Variants in ADISSP observed in about 807,000 individuals in gnomAD.
ADISSP encodes the protein adipose secreted signaling protein, also known as adipose-secreted signaling protein.
At chr20:3,760,180 C>T in the ADISSP span, 19 of 1,226,928 alleles carry the variant, frequency 1.5e-5, no homozygotes, top group Middle Eastern at 4.2e-4. Flanking sequence ...GGGACACCAG[C>T]GGGAGCCTGA....
the ADISSP span, among the ~76,000 whole-genome samples, chr20:3,756,762 A>G: frequency 2.6e-5 from 4 of 151,972 alleles, no homozygotes; most frequent in Non-Finnish European, 5.9e-5. Flanking sequence ...GCAGAAAAAT[A>G]CTCTTCGCTG....
chr20:3,760,019 CCCT>C, the ADISSP span: 2 of 1,610,032 alleles, frequency 1.2e-6, no homozygotes, highest in East Asian at 2.2e-5. Context: ...GCAGCAATGG[CCCT>C]CCTACCAGGG....
the ADISSP span, chr20:3,768,114 C>T: frequency 2.0e-5 from 3 of 152,396 alleles, no homozygotes; most frequent in Admixed American, 2.0e-4. Context: ...CCCTTGGGCC[C>T]TTCGCTCTCG....
the ADISSP span, among the ~76,000 whole-genome samples, chr20:3,754,878 G>C: frequency 6.6e-6 from 1 of 152,320 alleles, no homozygotes; most frequent in African/African-American, 2.4e-5. Context: ...GGCAGGGCAG[G>C]GTAGGCTTTG....
the ADISSP span, among the ~76,000 whole-genome samples, chr20:3,757,619 C>A: frequency 6.6e-6 from 1 of 151,846 alleles, no homozygotes; most frequent in Non-Finnish European, 1.5e-5. Flanking sequence ...CAAACCTGGG[C>A]CCCCCAGGTT....
chr20:3,758,237 T>C, the ADISSP span, among the ~76,000 whole-genome samples: 3 of 152,246 alleles, frequency 2.0e-5, no homozygotes, highest in Admixed American at 2.0e-4. The surrounding 1 kb of genome is among the most constrained non-coding windows in gnomAD (Gnocchi z 5.5). Flanking sequence ...CCAGAATGGC[T>C]GGCCTAGACC....
At chr20:3,757,185 CT>C in the ADISSP span, among the ~76,000 whole-genome samples, 36 of 152,060 alleles carry the variant, frequency 2.4e-4, no homozygotes, top group African/African-American at 8.7e-4. Flanking sequence ...CCCGTCTCTA[CT>C]AAAAATATAA....
chr20:3,758,409 AACCAAGGCACAGGGAAAGGCACAGACAT>A, the ADISSP span: 3 of 788,316 alleles, frequency 3.8e-6, no homozygotes, highest in Non-Finnish European at 6.2e-6. The surrounding 1 kb of genome is among the most constrained non-coding windows in gnomAD (Gnocchi z 5.5). Context: ...CAGATGGGGC[AACCAAGGCACAGGGAAAGGCACAGACAT>A]GCCTATAAGC....
chr20:3,757,817 C>A, the ADISSP span, among the ~76,000 whole-genome samples: 1 of 152,008 alleles, frequency 6.6e-6, no homozygotes, highest in Non-Finnish European at 1.5e-5. Flanking sequence ...TTAGTAGAGA[C>A]GGGTTTCGAC....
the ADISSP span, chr20:3,767,823 G>A: frequency 6.6e-6 from 1 of 152,130 alleles, no homozygotes; most frequent in African/African-American, 2.4e-5. Context: ...CTGGGAGGGT[G>A]GGGCGAGGGA....
chr20:3,760,050 T>C, the ADISSP span: 1 of 1,610,622 alleles, frequency 6.2e-7, no homozygotes, highest in Non-Finnish European at 8.5e-7. Flanking sequence ...GAAGAGCTTG[T>C]GCAAGTCCTA....
At chr20:3,754,148 G>A in the ADISSP span, 30 of 1,610,986 alleles carry the variant, frequency 1.9e-5, no homozygotes, top group African/African-American at 4.0e-5. Context: ...TGGGCGTGCC[G>A]TGGTGCCGGT....
the ADISSP span, chr20:3,760,179 G>C: frequency 2.4e-6 from 3 of 1,226,302 alleles, no homozygotes; most frequent in Non-Finnish European, 2.4e-6. Flanking sequence ...AGGGACACCA[G>C]CGGGAGCCTG....
the ADISSP span, chr20:3,758,493 C>T: frequency 4.8e-5 from 76 of 1,593,630 alleles, no homozygotes; most frequent in South Asian, 4.8e-4. The surrounding 1 kb of genome is among the most constrained non-coding windows in gnomAD (Gnocchi z 5.5). Flanking sequence ...CAGGCAGAGC[C>T]GGGGAGGGGA....
At chr20:3,755,719 GC>G in the ADISSP span, 1 of 847,092 alleles carries the variant, frequency 1.2e-6, no homozygotes, top group Non-Finnish European at 1.8e-6. Context: ...TCCCCAGAGA[GC>G]CCAGAAAGCC....
the ADISSP span, among the ~76,000 whole-genome samples, chr20:3,757,652 A>G: frequency 3.3e-5 from 5 of 152,082 alleles, no homozygotes; most frequent in African/African-American, 1.2e-4. Context: ...TTTGTTTGAG[A>G]CAGAGTCTTT....
chr20:3,762,622 G>A, the ADISSP span, among the ~76,000 whole-genome samples: 1 of 152,188 alleles, frequency 6.6e-6, no homozygotes, highest in African/African-American at 2.4e-5. Context: ...AAAGTGCTGG[G>A]ATTACAGACG....
chr20:3,756,306 G>A, the ADISSP span, among the ~76,000 whole-genome samples: 5 of 152,192 alleles, frequency 3.3e-5, no homozygotes, highest in Non-Finnish European at 5.9e-5. Flanking sequence ...CCATACTCAC[G>A]ACCCAAGCAA....
the ADISSP span, among the ~76,000 whole-genome samples, chr20:3,756,127 C>CCTG: frequency 6.6e-6 from 1 of 152,158 alleles, no homozygotes; most frequent in Non-Finnish European, 1.5e-5. Flanking sequence ...CCACAGATAG[C>CCTG]GTGGGATGAG....
Sources: gnomAD v4.1 joint callset for allele counts (sites outside exome capture counted in the v4.1 genomes callset) on GRCh38, gnomAD v4.1.1 for gene constraint, Gnocchi (gnomAD v3.1) non-coding constraint, MANE v1.5 for transcripts, NCBI Gene and HGNC (gene_info 2026-07-23, HGNC 2026-07-21) for gene names.